Variants in RAB33A observed in about 807,000 individuals in gnomAD.
The protein encoded by RAB33A is RAB33A, member RAS oncogene family.
RAB33A carries 6 observed loss-of-function variants against 12.0 expected under a neutral mutation model. The ratio of observed to expected loss-of-function variants is 0.50; its 90% CI spans 0.27 to 0.99. The LOEUF is 0.99. Ranked by LOEUF, RAB33A falls within the 50% of genes least tolerant of loss-of-function variation. The pLI is 0.11. For synonymous variants in RAB33A, 70 were observed against 82.4 expected, an observed-to-expected ratio of 0.85 and a Z score of 0.81; for missense variants, 109 against 192.0, an observed-to-expected ratio of 0.57 and a Z score of 2.55.
chrX:130,147,422 G>C, the RAB33A span: 2 of 1,189,477 alleles, frequency 1.7e-6, no homozygotes, highest in Non-Finnish European at 2.3e-6. Context: ...TACACAGTCA[G>C]TGGCAAAATC....
the RAB33A span, among the ~76,000 whole-genome samples, chrX:130,128,701 G>GT: frequency 8.9e-6 from 1 of 112,320 alleles, no homozygotes; most frequent in African/African-American, 3.2e-5. Flanking sequence ...GCCCATAAGC[G>GT]TATTTCAGAG....
At chrX:130,143,031 T>C in the RAB33A span, among the ~76,000 whole-genome samples, 1 of 111,975 alleles carries the variant, frequency 8.9e-6, no homozygotes, top group East Asian at 2.8e-4. Context: ...TTGGCTCCTG[T>C]CCTCAGGTTT....
the RAB33A span, chrX:130,137,635 C>T: frequency 5.3e-5 from 59 of 1,116,705 alleles, no homozygotes; most frequent in East Asian, 1.3e-3. Context: ...TGGCATTTTA[C>T]AGGAAGCAGC....
the RAB33A span, chrX:130,129,540 A>C: frequency 5.8e-6 from 7 of 1,205,791 alleles, no homozygotes; most frequent in East Asian, 2.1e-4. Context: ...TGGGTTTGCC[A>C]ATTCCACTGT....
At chrX:130,130,862 A>G in the RAB33A span, among the ~76,000 whole-genome samples, 1 of 112,365 alleles carries the variant, frequency 8.9e-6, no homozygotes, top group Non-Finnish European at 1.9e-5. Context: ...CAGCCTCCAA[A>G]TAATACTGTC....
intron 1 of RAB33A, among the ~76,000 whole-genome samples, chrX:130,179,605 G>A (rs771122630): frequency 1.4e-4 from 15 of 108,258 alleles, no homozygotes; most frequent in Non-Finnish European, 2.1e-4. Flanking sequence ...GGAACACCAC[G>A]GAGAGGTGGA....
intron 1 of RAB33A, 21 bp from the exon 2 acceptor site, chrX:130,184,264 T>G: frequency 8.4e-7 from 1 of 1,183,815 alleles, no homozygotes; most frequent in Non-Finnish European, 1.1e-6. Flanking sequence ...GACTCCACCT[T>G]TGGGTTTTTG....
the RAB33A span, among the ~76,000 whole-genome samples, chrX:130,121,634 C>T: frequency 1.8e-5 from 2 of 112,755 alleles, no homozygotes; most frequent in Non-Finnish European, 3.8e-5. Flanking sequence ...GGCGGTGGCG[C>T]GTGGGAGTCC....
the RAB33A span, chrX:130,136,298 T>A: frequency 1.1e-6 from 1 of 898,267 alleles, no homozygotes; most frequent in Non-Finnish European, 1.6e-6. Context: ...AATCATGGGT[T>A]AACTTACCTC....
At chrX:130,180,229 A>G (rs2031707945) in intron 1 of RAB33A, among the ~76,000 whole-genome samples, 1 of 111,827 alleles carries the variant, frequency 8.9e-6, no homozygotes, top group Non-Finnish European at 1.9e-5. Flanking sequence ...CACATACAGT[A>G]GAGGGCTGCA....
chrX:130,157,953 C>CAA, the RAB33A span, among the ~76,000 whole-genome samples: 6 of 46,156 alleles, frequency 1.3e-4, no homozygotes, highest in African/African-American at 3.3e-4. Flanking sequence ...GACTCCGTCT[C>CAA]AAAAAAAAAA....
the RAB33A span, among the ~76,000 whole-genome samples, chrX:130,145,172 T>C: frequency 4.0e-4 from 45 of 112,264 alleles, no homozygotes; most frequent in South Asian, 0.017. Context: ...TTGTCAATCT[T>C]TTCTCATCGA....
chrX:130,162,568 T>C, the RAB33A span, among the ~76,000 whole-genome samples: 1 of 112,236 alleles, frequency 8.9e-6, no homozygotes, highest in Non-Finnish European at 1.9e-5. Flanking sequence ...TGCCAAAGAA[T>C]TTCTTCTGCA....
At chrX:130,129,460 A>G in the RAB33A span, 2 of 683,463 alleles carry the variant, frequency 2.9e-6, no homozygotes. Flanking sequence ...ATTCACACTC[A>G]TACACAGAGA....
chrX:130,181,493 T>C (rs1414227373), intron 1 of RAB33A, among the ~76,000 whole-genome samples: 1 of 112,092 alleles, frequency 8.9e-6, no homozygotes, highest in African/African-American at 3.2e-5. Context: ...GTTGGATATA[T>C]AAAGGGAAAT....
At chrX:130,115,700 G>A in the RAB33A span, among the ~76,000 whole-genome samples, 2 of 78,710 alleles carry the variant, frequency 2.5e-5, no homozygotes, top group African/African-American at 1.2e-4. Context: ...AGGAAGGAAG[G>A]AGAAAGAAAA....
In RAB33A at chrX:130,172,072, C is replaced by T; in HGVS notation, c.10C>T (p.Pro4Ser). Residue 4 changes from proline (P) to serine (S), a missense_variant, in exon 1 of 2, where the codon CCC (proline) becomes TCC (serine). Transcript: ENST00000257017. MAQ[P>S]ILGHGSLQPA... ...GTTCGGTCCGGGGGAGATGGCGCAG[C>T]CCATCCTGGGCCATGGGAGCCTGCA... 13 of 1,208,308 alleles carry T rather than the reference C, an allele frequency of 1.1e-5. No individual in the cohort carries two copies. The highest frequency in any genetic ancestry group is 1.5e-5 in the Non-Finnish European group (13 of 893,824).
At chrX:130,132,289 T>C in the RAB33A span, among the ~76,000 whole-genome samples, 1 of 112,255 alleles carries the variant, frequency 8.9e-6, no homozygotes, top group African/African-American at 3.2e-5. Context: ...TTAACCCTAA[T>C]AGCTTTGACT....
the RAB33A span, chrX:130,139,906 C>T: frequency 8.9e-7 from 1 of 1,123,193 alleles, no homozygotes; most frequent in Non-Finnish European, 1.2e-6. Context: ...TTTAGCCCAA[C>T]AAGCAGGAGC....
Sources: gnomAD v4.1 joint callset for allele counts (sites outside exome capture counted in the v4.1 genomes callset) on GRCh38, gnomAD v4.1.1 for gene constraint, MANE v1.5 for transcripts, NCBI Gene and HGNC (gene_info 2026-07-23, HGNC 2026-07-21) for gene names.